SLA: variants seen among roughly 807,000 people sequenced by gnomAD.
The protein encoded by SLA is Src like adaptor.
In SLA, 16 loss-of-function variants were observed where a neutral mutation model predicts 30.3. That is an observed-to-expected ratio of 0.53 (90% CI 0.36 to 0.80). The LOEUF is 0.80. SLA is among the 30% of genes least tolerant of loss of function. The probability of loss-of-function intolerance (pLI) is 0.01; values close to 1 mark genes in which losing one functional copy is unlikely to be tolerated. For missense variants in SLA, 310 were observed against 345.2 expected (o/e 0.90, Z 0.81); for synonymous variants, 143 against 137.8 (o/e 1.04, Z -0.26).
At chr8:133,079,126 C>T (rs1845355670) in intron 1 of SLA, among the ~76,000 whole-genome samples, 1 of 152,116 alleles carries the variant, frequency 6.6e-6, no homozygotes, top group Admixed American at 6.5e-5. Context: ...GCAGGTGATG[C>T]CCCCACCAAG....
chr8:133,071,158 G>A (rs1391963738), intron 2 of SLA, among the ~76,000 whole-genome samples: 2 of 152,188 alleles, frequency 1.3e-5, no homozygotes, highest in African/African-American at 2.4e-5. Flanking sequence ...AGGAGAGGGG[G>A]CACCAGTGCG....
chr8:133,080,138 C>T (rs761438692), intron 1 of SLA, among the ~76,000 whole-genome samples: 17 of 152,050 alleles, frequency 1.1e-4, no homozygotes, highest in Non-Finnish European at 2.1e-4. Flanking sequence ...TCCAGAGTGA[C>T]TCTGGCATGA....
intron 1 of SLA, among the ~76,000 whole-genome samples, chr8:133,092,881 T>C (rs1847789260): frequency 6.6e-6 from 1 of 152,232 alleles, no homozygotes; most frequent in Admixed American, 6.5e-5. Context: ...CAAAATACTT[T>C]AAGAGAAAGA....
chr8:133,045,109 T>TA lies in SLA; in HGVS notation c.358dup (p.Tyr120LeufsTer43). ...CTGCCTGTGTCTCACCGACAGTGAG[T>TA]AAAACCCTGCAGGAGGTGGAGGATA... On this transcript the variant is annotated frameshift_variant, in exon 7 of 9. Transcript: ENST00000338087. LOFTEE classifies it high-confidence loss of function. 6.2e-7 allele frequency: 1 copy of TA among 1,614,064 alleles called. No individual in the cohort carries two copies. Among genetic ancestry groups the TA allele is most frequent in the Non-Finnish European group, 8.5e-7 (1 of 1,180,010 alleles).
rs1318175939 is a variant in SLA, at chr8:133,038,694, C to G, written c.661G>C (p.Asp221His). The G allele has an allele frequency of 1.2e-6, 2 of 1,614,010 alleles. No individual in the cohort carries two copies. Among genetic ancestry groups the G allele is most frequent in the African/African-American group, 1.3e-5 (1 of 74,896 alleles). ...PEGTENPLGV[D>H]ESLFSYGLRE... Reference sequence around the variant, plus strand: ...AGGCCATAGCTGAAAAGGGACTCGTCTACCCCAAGCGGGTTCTCTGTTCCC... The same window carrying G: ...AGGCCATAGCTGAAAAGGGACTCGTGTACCCCAAGCGGGTTCTCTGTTCCC... The change falls in exon 9 of 9, where the codon GAC becomes CAC. Residue 221 changes from aspartate (D) to histidine (H), a missense_variant. Coordinates refer to ENST00000338087, the MANE Select transcript of SLA (RefSeq NM_001045556.3).
intron 7 of SLA, among the ~76,000 whole-genome samples, chr8:133,044,699 G>A (rs1484566759): frequency 6.6e-6 from 1 of 152,206 alleles, no homozygotes; most frequent in African/African-American, 2.4e-5. Context: ...ACTTAAGGAT[G>A]TGCAAGCTGG....
chr8:133,062,520 C>T (rs1213451372), intron 2 of SLA, among the ~76,000 whole-genome samples: 1 of 152,280 alleles, frequency 6.6e-6, no homozygotes, highest in African/African-American at 2.4e-5. Context: ...CAGGATCCCA[C>T]CCACGTAGTG....
intron 7 of SLA, among the ~76,000 whole-genome samples, chr8:133,042,709 T>TTTTTTTAG (rs1554706931): frequency 7.2e-6 from 1 of 138,594 alleles, no homozygotes; most frequent in Non-Finnish European, 1.5e-5. Flanking sequence ...TTTTTTTTTT[T>TTTTTTTAG]GTGAGATGGA....
chr8:133,058,149 C>A (rs961238339), intron 3 of SLA, among the ~76,000 whole-genome samples: 1 of 152,200 alleles, frequency 6.6e-6, no homozygotes, highest in Non-Finnish European at 1.5e-5. Flanking sequence ...CTACTTAACA[C>A]GGCATCACTG....
chr8:133,056,541 C>A (rs186708593), intron 3 of SLA, among the ~76,000 whole-genome samples: 2 of 152,318 alleles, frequency 1.3e-5, no homozygotes, highest in African/African-American at 4.8e-5. Context: ...GAGAGGGACC[C>A]TGGAGTCAGA....
intron 2 of SLA, among the ~76,000 whole-genome samples, chr8:133,065,615 A>T (rs1842928440): frequency 6.6e-6 from 1 of 152,032 alleles, no homozygotes; most frequent in South Asian, 2.1e-4. Flanking sequence ...TACAAAAATT[A>T]GCCGGACATG....
rs1367192800 is a variant in SLA, at chr8:133,050,655, C to T, written c.161+161G>A. The T allele has an allele frequency of 1.2e-5, 7 of 604,778 alleles. No homozygotes were observed. In the East Asian group the frequency reaches 1.7e-4, roughly 15 times the overall value. 37.5% of individuals were successfully genotyped at this position (604,778 alleles called of 1,614,324 possible). On this transcript the variant is annotated intron_variant, in intron 4 of 8. Transcript: ENST00000338087. ...ATGGAAGGTTCTAGAGCACTGGCCA[C>T]ATTAAAGAGGAAGGTTGCAGTATGG...
intron 3 of SLA, among the ~76,000 whole-genome samples, chr8:133,056,834 C>T (rs1313515648): frequency 2.0e-5 from 3 of 152,104 alleles, no homozygotes; most frequent in Non-Finnish European, 4.4e-5. Context: ...AGTGCAGGGG[C>T]AGGACTAAAA....
At chr8:133,050,054 C>T in intron 4 of SLA, 66 bp from the exon 5 acceptor site, 1 of 1,009,462 alleles carries the variant, frequency 9.9e-7, no homozygotes, top group Non-Finnish European at 1.6e-6. Flanking sequence ...GATGAATGAA[C>T]AGAGTAATCA....
chr8:133,064,421 T>A (rs535795838), intron 2 of SLA, among the ~76,000 whole-genome samples: 2 of 152,356 alleles, frequency 1.3e-5, no homozygotes, highest in East Asian at 3.9e-4. Flanking sequence ...ATTGTTGTAT[T>A]TAATCTTACA....
In SLA at chr8:133,038,100, T is replaced by G. The variant is rs61401547; in HGVS notation, c.*424A>C. ...CCAGACCTTCTGCCAGGACACAGCT[T>G]TTGTTTCCTCTCCCTCTCAGGCTTG... is the stretch of plus-strand genomic sequence containing the variant. On this transcript the variant is annotated 3_prime_UTR_variant, in exon 9 of 9. Transcript: ENST00000338087. 0.014 allele frequency: 2,542 copies of G among 176,376 alleles called. 80 individuals carry two copies. The highest frequency in any genetic ancestry group is 0.056 in the African/African-American group (2,350 of 41,906). 10.9% of individuals were successfully genotyped at this position (176,376 alleles called of 1,614,324 possible).
intron 6 of SLA, chr8:133,047,009 T>G (rs1278798190): frequency 1.3e-5 from 2 of 152,156 alleles, no homozygotes; most frequent in Non-Finnish European, 2.9e-5. Context: ...TTAAAAAAGT[T>G]ATTATTATTA....
chr8:133,094,893 A>G, intron 1 of SLA: 1 of 1,012,220 alleles, frequency 9.9e-7, no homozygotes, highest in Non-Finnish European at 1.5e-6. Context: ...ACCAATCCTT[A>G]TCTTCCCATT....
intron 2 of SLA, among the ~76,000 whole-genome samples, chr8:133,070,819 C>A (rs1445290593): frequency 6.6e-6 from 1 of 152,206 alleles, no homozygotes; most frequent in African/African-American, 2.4e-5. Flanking sequence ...CTGCAGGCAC[C>A]CCCGCTCCTG....
Sources: allele counts gnomAD v4.1 joint callset (sites outside exome capture counted in the v4.1 genomes callset), GRCh38; gene constraint gnomAD v4.1.1; transcripts MANE v1.5; gene names NCBI Gene and HGNC (gene_info 2026-07-23, HGNC 2026-07-21).